ALKBH1: variants seen among roughly 807,000 people sequenced by gnomAD.
The protein encoded by ALKBH1 is nucleic acid dioxygenase ALKBH1.
In ALKBH1, 31 loss-of-function variants were observed where a neutral mutation model predicts 36.6. The observed-to-expected ratio is 0.85, with a 90% CI of 0.64 to 1.14. The LOEUF is 1.14. Among genes scored for constraint, ALKBH1 ranks in the 50% most tolerant of loss-of-function variants. The pLI, the probability that ALKBH1 is intolerant of heterozygous loss-of-function variation, is 0.00. For synonymous variants in ALKBH1, 183 were observed against 186.6 expected (o/e 0.98, Z 0.16); for missense variants, 490 against 497.3 (o/e 0.99, Z 0.14).
At chr14:77,703,545 T>A (rs1042342814) in intron 2 of ALKBH1, among the ~76,000 whole-genome samples, 32 of 149,894 alleles carry the variant, frequency 2.1e-4, no homozygotes, top group Non-Finnish European at 3.4e-4. Flanking sequence ...TCCGCCCGCC[T>A]CGGCCTCCCA....
intron 4 of ALKBH1, among the ~76,000 whole-genome samples, chr14:77,677,228 C>A (rs779087280): frequency 6.6e-6 from 1 of 151,816 alleles, no homozygotes; most frequent in Non-Finnish European, 1.5e-5. Context: ...TTAGTAGGAA[C>A]AGGGTTTCAC....
At chr14:77,695,949 G>A (rs1163344490) in intron 2 of ALKBH1, among the ~76,000 whole-genome samples, 2 of 151,978 alleles carry the variant, frequency 1.3e-5, no homozygotes, top group Admixed American at 6.6e-5. Context: ...AAAATTAGTT[G>A]GGCGTGGTGG....
intron 2 of ALKBH1, among the ~76,000 whole-genome samples, chr14:77,698,679 A>C (rs2080342107): frequency 6.6e-6 from 1 of 152,256 alleles, no homozygotes; most frequent in African/African-American, 2.4e-5. Flanking sequence ...GTTGAACTCC[A>C]GATCTAGTCT....
At position 77,705,189 on chromosome 14, in the gene ALKBH1, C is replaced by T. The variant is rs755317625; in HGVS notation, c.184-712G>A. On this transcript the variant is annotated intron_variant, in intron 1 of 5. Transcript: ENST00000216489. ...CAGCACTTTGGGAGGCTGAGGCAGG[C>T]GGATCACGAGGTCAGGAGTCCGAGA... 1.6e-3 allele frequency among the ~76,000 whole-genome samples: 246 copies of T among 152,002 alleles called. 1 individual carries two copies. Among genetic ancestry groups the T allele is most frequent in the Non-Finnish European group, 2.5e-3 (169 of 67,980 alleles).
chr14:77,692,045 T>G (rs2080299923), intron 3 of ALKBH1: 1 of 152,204 alleles, frequency 6.6e-6, no homozygotes, highest in South Asian at 2.1e-4. Context: ...TAAGAAAATC[T>G]TCTCTTTACT....
chr14:77,701,488 A>G (rs144530121), intron 2 of ALKBH1, among the ~76,000 whole-genome samples: 22 of 152,060 alleles, frequency 1.4e-4, no homozygotes, highest in African/African-American at 5.1e-4. Context: ...GTGCAGGACA[A>G]TTTTTCAATG....
At chr14:77,686,466 A>G (rs1006815030) in intron 3 of ALKBH1, among the ~76,000 whole-genome samples, 1 of 152,062 alleles carries the variant, frequency 6.6e-6, no homozygotes, top group Non-Finnish European at 1.5e-5. Context: ...TAAAAAAGAA[A>G]CATGCTATGC....
At chr14:77,686,381 G>A (rs935923586) in intron 3 of ALKBH1, among the ~76,000 whole-genome samples, 3 of 152,148 alleles carry the variant, frequency 2.0e-5, no homozygotes, top group African/African-American at 7.2e-5. Flanking sequence ...AAATACGTTG[G>A]CACCTAATAC....
chr14:77,705,946 T>C (rs2080387197), intron 1 of ALKBH1, among the ~76,000 whole-genome samples: 1 of 152,044 alleles, frequency 6.6e-6, no homozygotes, highest in African/African-American at 2.4e-5. Context: ...TCCCAGCTAC[T>C]TGGGAGGCTG....
In ALKBH1 at chr14:77,673,951, C is replaced by CG; in HGVS notation, c.1030dup (p.Arg344ProfsTer18). The CG allele has an allele frequency of 2.5e-6, 4 of 1,614,164 alleles. No individual in the cohort carries two copies. The highest frequency in any genetic ancestry group is 3.4e-6 in the Non-Finnish European group (4 of 1,180,040). On this transcript the variant is annotated frameshift_variant, in exon 6 of 6. Coordinates refer to ENST00000216489, the MANE Select transcript of ALKBH1 (RefSeq NM_006020.3). LOFTEE classifies it low-confidence loss of function (END_TRUNC). ...ATTCTGGTCTGTGGCCAGGACCTGT[C>CG]GGACAGTCATGTTAACACGAGCGGT... is the stretch of plus-strand genomic sequence containing the variant.
rs1214981691 is a variant in ALKBH1, at chr14:77,673,011, A to C, written c.*801T>G. 6.6e-6 allele frequency: 1 copy of C among 152,258 alleles called. No homozygotes were observed. Among genetic ancestry groups the C allele is most frequent in the Admixed American group, 6.5e-5 (1 of 15,288 alleles). The allele number at this position is 152,258 out of a possible 1,614,324, so 9.4% of individuals were successfully genotyped here. ...AAACAGAAAAAAAAACCTTAATCCC[A>C]GATAGACTAAACCCCAAAGACAGAT... On this transcript the variant is annotated 3_prime_UTR_variant, in exon 6 of 6. Coordinates refer to ENST00000216489, the MANE Select transcript of ALKBH1 (RefSeq NM_006020.3).
intron 2 of ALKBH1, among the ~76,000 whole-genome samples, chr14:77,704,115 G>A (rs150552343): frequency 6.6e-6 from 1 of 152,288 alleles, no homozygotes; most frequent in Non-Finnish European, 1.5e-5. Context: ...GAGCCCAGAG[G>A]CAATGTCCTT....
intron 2 of ALKBH1, among the ~76,000 whole-genome samples, chr14:77,699,808 C>A (rs2080348796): frequency 6.6e-6 from 1 of 152,160 alleles, no homozygotes; most frequent in Admixed American, 6.6e-5. Flanking sequence ...GTAATCCCAG[C>A]ACTTTGGGAG....
chr14:77,675,998 CT>C (rs374529582), intron 4 of ALKBH1, 149 bp from the exon 5 acceptor site: 86,321 of 547,470 alleles, frequency 0.16, 93 homozygotes, highest in East Asian at 0.22. Flanking sequence ...CTTTTCTTTT[CT>C]TTTTTTTTTT....
chr14:77,675,634 C>T, intron 5 of ALKBH1, 22 bp downstream of exon 5: 4 of 1,572,232 alleles, frequency 2.5e-6, no homozygotes, highest in Non-Finnish European at 3.5e-6. Flanking sequence ...AAAGTAATCC[C>T]AAATCCCTGG....
intron 2 of ALKBH1, among the ~76,000 whole-genome samples, chr14:77,695,658 T>C (rs1320992294): frequency 6.6e-6 from 1 of 152,094 alleles, no homozygotes; most frequent in Non-Finnish European, 1.5e-5. Flanking sequence ...TTCCTGCAGT[T>C]ACTGTCTCTG....
At chr14:77,699,794 G>T (rs2080348690) in intron 2 of ALKBH1, among the ~76,000 whole-genome samples, 1 of 152,180 alleles carries the variant, frequency 6.6e-6, no homozygotes, top group Admixed American at 6.5e-5. Context: ...GGTGGCTCAT[G>T]CCTGTAATCC....
At chr14:77,677,401 G>A (rs1478036748) in intron 4 of ALKBH1, among the ~76,000 whole-genome samples, 1 of 152,156 alleles carries the variant, frequency 6.6e-6, no homozygotes, top group Non-Finnish European at 1.5e-5. Context: ...TTATGATTAA[G>A]ACTTTCACTT....
At chr14:77,693,223 A>AT (rs1555384410) in intron 3 of ALKBH1, among the ~76,000 whole-genome samples, 105 of 122,638 alleles carry the variant, frequency 8.6e-4, no homozygotes, top group Admixed American at 2.0e-3. Context: ...AAAAAAAAAA[A>AT]ATTTTTTTTC....
Sources: allele counts gnomAD v4.1 joint callset (sites outside exome capture counted in the v4.1 genomes callset), GRCh38; gene constraint gnomAD v4.1.1; transcripts MANE v1.5; gene names NCBI Gene and HGNC (gene_info 2026-07-23, HGNC 2026-07-21).